Variants in AGBL4 observed in about 807,000 individuals in gnomAD.
AGBL4 encodes the protein AGBL carboxypeptidase 4, also known as cytosolic carboxypeptidase 6.
In AGBL4, 58 loss-of-function variants were observed where a neutral mutation model predicts 66.4. That is an observed-to-expected ratio of 0.87 (90% confidence interval 0.71 to 1.09). The LOEUF is 1.09. Ranked by LOEUF, AGBL4 falls within the 50% of genes least tolerant of loss-of-function variation. AGBL4 has a pLI of 0.00. For synonymous variants in AGBL4, 234 were observed against 222.9 expected (o/e 1.05, Z -0.44); for missense variants, 579 against 631.0 (o/e 0.92, Z 0.88).
intron 1 of AGBL4, among the ~76,000 whole-genome samples, chr1:49,970,650 C>T (rs1380899550): frequency 6.7e-6 from 1 of 149,832 alleles, no homozygotes; most frequent in Non-Finnish European, 1.5e-5. Flanking sequence ...GAGTGGAGAT[C>T]GCACCATGGC....
chr1:48,931,370 A>T (rs1221565547), intron 5 of AGBL4, among the ~76,000 whole-genome samples: 2 of 152,276 alleles, frequency 1.3e-5, no homozygotes. Flanking sequence ...ATGGACAGAA[A>T]CACTCTTCCT....
At chr1:49,064,060 G>A (rs1644449641) in intron 4 of AGBL4, among the ~76,000 whole-genome samples, 1 of 152,186 alleles carries the variant, frequency 6.6e-6, no homozygotes, top group Non-Finnish European at 1.5e-5. Context: ...TTTGTAAAAT[G>A]GGAATGGTAG....
intron 3 of AGBL4, among the ~76,000 whole-genome samples, chr1:49,398,179 A>AT (rs1645010302): frequency 6.6e-6 from 1 of 152,126 alleles, no homozygotes; most frequent in African/African-American, 2.4e-5. Flanking sequence ...GTCTGTGAGG[A>AT]TTTTTTCAGA....
Position 49,781,842 on chromosome 1 carries a change from T to G in AGBL4, c.157+69554A>C, listed in dbSNP as rs370014004. Among the ~76,000 whole-genome samples, 51 of 152,228 alleles carry G rather than the reference T, an allele frequency of 3.4e-4. 1 individual carries two copies. In the South Asian group the frequency reaches 9.3e-3, roughly 28 times the overall value. ...TACAAGTTAACACACAGGAGAATTTTAGGAATGTATAAATATGTGAAAACT... is the reference window on the plus strand; with the variant it reads ...TACAAGTTAACACACAGGAGAATTTGAGGAATGTATAAATATGTGAAAACT... On this transcript the variant is annotated intron_variant, in intron 2 of 13. Transcript: ENST00000371839.
intron 5 of AGBL4, among the ~76,000 whole-genome samples, chr1:48,985,042 G>A (rs985112172): frequency 3.9e-5 from 6 of 152,078 alleles, no homozygotes; most frequent in Non-Finnish European, 7.4e-5. Flanking sequence ...AAGAATAACA[G>A]TTTGGATTTA....
chr1:49,100,102 G>C (rs1292505689), intron 4 of AGBL4, among the ~76,000 whole-genome samples: 2 of 152,120 alleles, frequency 1.3e-5, no homozygotes, highest in African/African-American at 4.8e-5. Flanking sequence ...TTAGCACTCA[G>C]GATGTTTAAG....
chr1:49,723,622 G>A (rs942405540), intron 2 of AGBL4, among the ~76,000 whole-genome samples: 1 of 151,820 alleles, frequency 6.6e-6, no homozygotes, highest in African/African-American at 2.4e-5. Context: ...AAGCCTTCAG[G>A]GCCTTACTCA....
intron 5 of AGBL4, among the ~76,000 whole-genome samples, chr1:48,900,774 T>C (rs1273795572): frequency 1.3e-5 from 2 of 152,332 alleles, no homozygotes; most frequent in East Asian, 3.9e-4. Context: ...CCTGAAACTC[T>C]AAAATTCTGG....
At chr1:49,296,536 T>C (rs1644646568) in intron 3 of AGBL4, among the ~76,000 whole-genome samples, 1 of 152,186 alleles carries the variant, frequency 6.6e-6, no homozygotes, top group Non-Finnish European at 1.5e-5. Context: ...TAGGAGTATG[T>C]CTAAATGATT....
At chr1:49,869,809 G>C (rs760566070) in intron 1 of AGBL4, among the ~76,000 whole-genome samples, 13 of 152,102 alleles carry the variant, frequency 8.5e-5, no homozygotes, top group African/African-American at 2.7e-4. Flanking sequence ...AGTTACTAGA[G>C]AACAGGAAGA....
intron 6 of AGBL4, among the ~76,000 whole-genome samples, chr1:48,822,143 A>G (rs1335338810): frequency 1.4e-4 from 22 of 152,222 alleles, no homozygotes; most frequent in Admixed American, 1.4e-3. Flanking sequence ...GGAAAACTGG[A>G]AGTTTCTTAT....
chr1:49,765,312 T>C (rs1652653746), intron 2 of AGBL4, among the ~76,000 whole-genome samples: 1 of 151,610 alleles, frequency 6.6e-6, no homozygotes, highest in Non-Finnish European at 1.5e-5. Flanking sequence ...CATGGCTCAA[T>C]ACAAAACCTG....
chr1:49,902,172 C>T (rs1051109882), intron 1 of AGBL4, among the ~76,000 whole-genome samples: 3 of 152,006 alleles, frequency 2.0e-5, no homozygotes, highest in African/African-American at 7.2e-5. Context: ...TGCAACAAAA[C>T]CAAAAATTAA....
At chr1:49,941,440 T>G (rs1013136142) in intron 1 of AGBL4, among the ~76,000 whole-genome samples, 3 of 152,018 alleles carry the variant, frequency 2.0e-5, no homozygotes, top group Non-Finnish European at 4.4e-5. Flanking sequence ...AAGAAAAATA[T>G]AGGCCAATAT....
chr1:49,897,813 C>A (rs1039134975), intron 1 of AGBL4, among the ~76,000 whole-genome samples: 1 of 151,850 alleles, frequency 6.6e-6, no homozygotes, highest in Non-Finnish European at 1.5e-5. Flanking sequence ...AGAAATAAAT[C>A]CATACATCTA....
intron 2 of AGBL4, among the ~76,000 whole-genome samples, chr1:49,830,982 C>A (rs888242341): frequency 3.3e-5 from 5 of 152,044 alleles, no homozygotes; most frequent in African/African-American, 4.8e-5. Context: ...TGTTTTGGTA[C>A]CAGTGCCATG....
At chr1:49,051,628 G>T (rs2147889520) in intron 4 of AGBL4, among the ~76,000 whole-genome samples, 1 of 152,202 alleles carries the variant, frequency 6.6e-6, no homozygotes, top group Middle Eastern at 3.4e-3. Flanking sequence ...TGAGCCATTT[G>T]CCCCCCTCCT....
At chr1:49,825,520 G>C (rs1645486639) in intron 2 of AGBL4, among the ~76,000 whole-genome samples, 1 of 152,122 alleles carries the variant, frequency 6.6e-6, no homozygotes, top group Non-Finnish European at 1.5e-5. Context: ...TGTCAATTTG[G>C]CTGGGTCACC....
intron 1 of AGBL4, among the ~76,000 whole-genome samples, chr1:49,909,038 T>C (rs577269961): frequency 4.6e-5 from 7 of 152,242 alleles, no homozygotes; most frequent in African/African-American, 1.2e-4. Context: ...TAGAAGAAGA[T>C]GGCCTAACTT....
Sources: allele counts gnomAD v4.1 joint callset (sites outside exome capture counted in the v4.1 genomes callset), GRCh38; gene constraint gnomAD v4.1.1; transcripts MANE v1.5; gene names NCBI Gene and HGNC (gene_info 2026-07-23, HGNC 2026-07-21).